The following ZNF324B variants were observed in gnomAD, a reference collection of about 807,000 sequenced individuals.
The protein encoded by ZNF324B is zinc finger protein 324B.
Under a neutral mutation model 10.6 loss-of-function variants are expected in ZNF324B, and 7 were observed. The observed-to-expected ratio is 0.66, with a 90% confidence interval of 0.38 to 1.24. ZNF324B has a LOEUF of 1.24. Among genes scored for constraint, ZNF324B ranks in the 50% most tolerant of loss-of-function variants. The pLI, the probability that ZNF324B is intolerant of heterozygous loss-of-function variation, is 0.02. For missense variants in ZNF324B, 640 were observed against 764.7 expected (o/e 0.84, Z 1.92); for synonymous variants, 316 against 321.0 (o/e 0.98, Z 0.17).
chr19:58,435,059 G>C, the ZNF324B span: 2 of 1,614,132 alleles, frequency 1.2e-6, no homozygotes, highest in Non-Finnish European at 1.7e-6. Flanking sequence ...TGCTCAGCCA[G>C]GTGCAAAATG....
chr19:58,439,563 G>T, the ZNF324B span, among the ~76,000 whole-genome samples: 1 of 152,204 alleles, frequency 6.6e-6, no homozygotes, highest in Admixed American at 6.5e-5. Flanking sequence ...TCCAGAAATG[G>T]GAATCCCTCG....
upstream of ZNF324B, among the ~76,000 whole-genome samples, chr19:58,448,498 G>T (rs186575422): frequency 2.8e-4 from 43 of 152,350 alleles, no homozygotes; most frequent in Middle Eastern, 3.4e-3. Context: ...GCTGAGGCAG[G>T]TGGATCATGA....
chr19:58,422,236 A>T, the ZNF324B span, among the ~76,000 whole-genome samples: 1 of 152,148 alleles, frequency 6.6e-6, no homozygotes, highest in Non-Finnish European at 1.5e-5. Flanking sequence ...TCATGGCAGA[A>T]ACTCTCAACT....
the ZNF324B span, among the ~76,000 whole-genome samples, chr19:58,422,294 G>T: frequency 6.6e-6 from 1 of 152,100 alleles, no homozygotes; most frequent in Non-Finnish European, 1.5e-5. Flanking sequence ...ATATATGACA[G>T]ACCCACAGCT....
the ZNF324B span, chr19:58,428,807 C>T: frequency 6.6e-6 from 1 of 152,244 alleles, no homozygotes; most frequent in Non-Finnish European, 1.5e-5. Context: ...CTTCTCCACA[C>T]TTAGAGTTTT....
At chr19:58,450,971 A>G (rs940110534), upstream of ZNF324B, among the ~76,000 whole-genome samples, 2 of 152,224 alleles carry the variant, frequency 1.3e-5, no homozygotes, top group Non-Finnish European at 2.9e-5. Context: ...AAGGCTGGGG[A>G]ATTACCTTCT....
chr19:58,436,940 G>T, the ZNF324B span: 4 of 1,502,042 alleles, frequency 2.7e-6, no homozygotes, highest in Non-Finnish European at 3.7e-6. Flanking sequence ...CAGGAAACCC[G>T]AGAAGGAAGC....
In ZNF324B at chr19:58,456,179, T is replaced by C; in HGVS notation, c.1235T>C (p.Leu412Pro). The C allele has an allele frequency of 1.2e-6, 2 of 1,613,310 alleles. No individual in the cohort carries two copies. Among genetic ancestry groups the C allele is most frequent in the Non-Finnish European group, 1.7e-6 (2 of 1,179,788 alleles). The change falls in exon 4 of 4, where the codon CTC (leucine) becomes CCC (proline). Residue 412 changes from leucine to proline, a missense_variant. Coordinates refer to ENST00000336614, the MANE Select transcript of ZNF324B (RefSeq NM_207395.3). The surrounding 1 kb of genome is among the most constrained non-coding windows in gnomAD (Gnocchi z 4.7). ...CGAAFSQGSS[L>P]FLHQRVHTGE... is the part of the protein sequence containing the mutation. ...GCTGCCTTCAGCCAGGGCTCCTCGCTCTTTTTGCACCAGCGCGTGCACACA... is the reference window on the plus strand; with the variant it reads ...GCTGCCTTCAGCCAGGGCTCCTCGCCCTTTTTGCACCAGCGCGTGCACACA...
chr19:58,434,821 A>G, the ZNF324B span: 1 of 1,614,186 alleles, frequency 6.2e-7, no homozygotes, highest in South Asian at 1.1e-5. Flanking sequence ...TTGAAGCTGG[A>G]GGAGGTCACA....
the ZNF324B span, chr19:58,429,520 C>G: frequency 4.6e-5 from 7 of 152,298 alleles, no homozygotes; most frequent in Non-Finnish European, 1.0e-4. Context: ...CACCCGCCAC[C>G]ACACCTGGCT....
the ZNF324B span, among the ~76,000 whole-genome samples, chr19:58,427,654 C>CT: frequency 2.0e-3 from 288 of 145,674 alleles, 3 homozygotes; most frequent in African/African-American, 4.5e-3. Flanking sequence ...CGCGCCCAGC[C>CT]TTTTTTTTTT....
the ZNF324B span, chr19:58,430,760 C>T: frequency 6.6e-5 from 10 of 152,288 alleles, no homozygotes; most frequent in African/African-American, 2.4e-4. Flanking sequence ...AAAGATCTCT[C>T]TTCAGTGTGG....
chr19:58,455,328 C>T lies in ZNF324B; in HGVS notation c.384C>T (p.Ala128=). 1 of 1,614,246 alleles carries T rather than the reference C, an allele frequency of 6.2e-7. No homozygotes were observed. The highest frequency in any genetic ancestry group is 8.5e-7 in the Non-Finnish European group (1 of 1,180,044). Residue 128 remains alanine (A), a synonymous_variant, in exon 4 of 4, where the codon GCC becomes GCT. Transcript: ENST00000336614. The surrounding 1 kb of genome is among the most constrained non-coding windows in gnomAD (Gnocchi z 7.0). The stretch of plus-strand genomic sequence containing the variant: ...AAAGCCTGCAGCGACAACCGGGTGC[C>T]TCCCCATCTCAGGAGAGAAAACCCA... ...SVKSLQRQPG[A]SPSQERKPTG... is the part of the protein sequence containing the mutation.
chr19:58,454,423 A>G, intron 3 of ZNF324B, 79 bp downstream of exon 3: 3 of 911,662 alleles, frequency 3.3e-6, no homozygotes, highest in Non-Finnish European at 5.5e-6. Context: ...GACTCTGGAA[A>G]CACATCCTCC....
At chr19:58,449,205 G>A (rs2052840082), upstream of ZNF324B, among the ~76,000 whole-genome samples, 1 of 152,254 alleles carries the variant, frequency 6.6e-6, no homozygotes, top group Non-Finnish European at 1.5e-5. Flanking sequence ...TGTTGAGCCT[G>A]TGGGTGCACA....
chr19:58,428,302 G>A, the ZNF324B span, among the ~76,000 whole-genome samples: 1 of 152,140 alleles, frequency 6.6e-6, no homozygotes, highest in Non-Finnish European at 1.5e-5. Context: ...CTATAGTTTT[G>A]GTGAACTGAG....
At position 58,453,756 on chromosome 19, in the gene ZNF324B, G is replaced by A. The variant is rs772960698; in HGVS notation, c.55G>A (p.Asp19Asn). 1 of 1,614,192 alleles carries A rather than the reference G, an allele frequency of 6.2e-7. No individual in the cohort carries two copies. Among genetic ancestry groups the A allele is most frequent in the Non-Finnish European group, 8.5e-7 (1 of 1,180,016 alleles). Residue 19 changes from aspartate to asparagine, a missense_variant, in exon 2 of 4, where the codon GAC becomes AAC. Asp to Asn is a conservative substitution (Grantham distance 23). Transcript: ENST00000336614. ...CTCCCAGGAGGAGTGGGGGCTCCTG[G>A]ACACAGCGCAGAGGGCCCTGTACCG... Reference protein sequence around the residue: ...YFSQEEWGLLDTAQRALYRHV... With the variant: ...YFSQEEWGLLNTAQRALYRHV...
At chr19:58,432,820 G>C in the ZNF324B span, 1 of 166,576 alleles carries the variant, frequency 6.0e-6, no homozygotes, top group African/African-American at 2.4e-5. Flanking sequence ...AAGGTGACCT[G>C]ATCAATAAGG....
chr19:58,456,416 G>T lies in ZNF324B; in HGVS notation c.1472G>T (p.Arg491Leu). The change falls in exon 4 of 4, where the codon CGT becomes CTT. Residue 491 changes from arginine to leucine, a missense_variant. By Grantham distance (102) the Arg-to-Leu change is moderately radical (BLOSUM62 -2). Coordinates refer to ENST00000336614, the MANE Select transcript of ZNF324B (RefSeq NM_207395.3). The surrounding 1 kb of genome is among the most constrained non-coding windows in gnomAD (Gnocchi z 4.7). ...TGCACGCAGTGTGGCCGCGCCTTCC[G>T]TGAGCGCCCTGCCCTCTTGCACCAC... Reference protein sequence around the residue: ...FVCTQCGRAFRERPALLHHQR... With the variant: ...FVCTQCGRAFLERPALLHHQR... 6.2e-7 allele frequency: 1 copy of T among 1,613,380 alleles called. No homozygotes were observed. The highest frequency in any genetic ancestry group is 8.5e-7 in the Non-Finnish European group (1 of 1,180,038).
Sources: allele counts gnomAD v4.1 joint callset (sites outside exome capture counted in the v4.1 genomes callset), GRCh38; gene constraint gnomAD v4.1.1; non-coding constraint Gnocchi (gnomAD v3.1); transcripts MANE v1.5; gene names NCBI Gene and HGNC (gene_info 2026-07-23, HGNC 2026-07-21).